SYNPR: variants seen among roughly 807,000 people sequenced by gnomAD.
SYNPR encodes synaptoporin.
Under a neutral mutation model 32.9 loss-of-function variants are expected in SYNPR, and 23 were observed. The ratio of observed to expected loss-of-function variants is 0.70; its 90% confidence interval spans 0.50 to 0.99. The LOEUF is 0.99. Ranked by LOEUF, SYNPR falls within the 50% of genes least tolerant of loss-of-function variation. SYNPR has a pLI of 0.00. For missense variants in SYNPR, 318 were observed against 349.3 expected (o/e 0.91, Z 0.71); for synonymous variants, 146 against 135.9 (o/e 1.07, Z -0.52).
chr3:63,557,188 G>T (rs1435908109), intron 4 of SYNPR, among the ~76,000 whole-genome samples: 3 of 151,966 alleles, frequency 2.0e-5, no homozygotes, highest in Non-Finnish European at 2.9e-5. Context: ...CTCGTACAAT[G>T]GTCCAAGGAC....
At chr3:63,562,483 C>A (rs1357264816) in intron 4 of SYNPR, among the ~76,000 whole-genome samples, 1 of 152,134 alleles carries the variant, frequency 6.6e-6, no homozygotes, top group Middle Eastern at 3.2e-3. Context: ...AACTCTCCTC[C>A]CATAAAGGAG....
intron 2 of SYNPR, among the ~76,000 whole-genome samples, chr3:63,446,338 C>G (rs1700276130): frequency 6.7e-6 from 1 of 150,222 alleles, no homozygotes; most frequent in African/African-American, 2.5e-5. Context: ...TGAGGTAGCA[C>G]TTCAGGTTGA....
chr3:63,348,128 T>C (rs928276630), intron 2 of SYNPR, among the ~76,000 whole-genome samples: 7 of 152,188 alleles, frequency 4.6e-5, no homozygotes, highest in African/African-American at 1.7e-4. Context: ...ATAGAGGTTG[T>C]ACTAATTTAC....
At chr3:63,481,441 A>ATG (rs1483940508) in intron 3 of SYNPR, among the ~76,000 whole-genome samples, 69 of 136,582 alleles carry the variant, frequency 5.1e-4, no homozygotes, top group East Asian at 2.9e-3. Flanking sequence ...AAGTGTATAT[A>ATG]TATATATATA....
intron 2 of SYNPR, among the ~76,000 whole-genome samples, chr3:63,418,627 A>G (rs547751649): frequency 1.3e-3 from 191 of 152,362 alleles, no homozygotes; most frequent in Non-Finnish European, 2.4e-3. Context: ...CCGCACAACT[A>G]TGGTGGAAAA....
intron 3 of SYNPR, among the ~76,000 whole-genome samples, chr3:63,499,247 G>A (rs7642916): frequency 0.28 from 43,079 of 152,064 alleles, 7,064 homozygotes; most frequent in African/African-American, 0.45. Context: ...GGCAAAGAAG[G>A]AATGAAGTTT....
At chr3:63,288,509 C>G (rs2086707255) in intron 2 of SYNPR, among the ~76,000 whole-genome samples, 1 of 152,082 alleles carries the variant, frequency 6.6e-6, no homozygotes, top group Non-Finnish European at 1.5e-5. Flanking sequence ...TAATATTATC[C>G]AAAGAGGTAC....
At chr3:63,601,262 A>G (rs904671242) in intron 4 of SYNPR, among the ~76,000 whole-genome samples, 9 of 149,662 alleles carry the variant, frequency 6.0e-5, no homozygotes, top group African/African-American at 2.2e-4. Context: ...AACAAGAGCA[A>G]AACGCCATCT....
At chr3:63,428,634 A>G (rs377119503) in intron 2 of SYNPR, among the ~76,000 whole-genome samples, 42 of 152,236 alleles carry the variant, frequency 2.8e-4, no homozygotes, top group African/African-American at 1.0e-3. Flanking sequence ...CATTTGGGTC[A>G]GCCAGATACT....
At chr3:63,301,647 A>C (rs1169339062) in intron 2 of SYNPR, among the ~76,000 whole-genome samples, 1 of 151,894 alleles carries the variant, frequency 6.6e-6, no homozygotes, top group Non-Finnish European at 1.5e-5. Flanking sequence ...GACATATTAT[A>C]ATTTGTACAG....
At chr3:63,310,639 G>T (rs1185929656) in intron 2 of SYNPR, among the ~76,000 whole-genome samples, 2 of 151,934 alleles carry the variant, frequency 1.3e-5, no homozygotes, top group Non-Finnish European at 2.9e-5. Flanking sequence ...TTGCTCCAAG[G>T]CCTCAGAAAA....
At chr3:63,377,962 A>T (rs2087916343) in intron 2 of SYNPR, among the ~76,000 whole-genome samples, 1 of 152,006 alleles carries the variant, frequency 6.6e-6, no homozygotes, top group Admixed American at 6.6e-5. Flanking sequence ...AAAAATTCAG[A>T]TTATGAATTT....
chr3:63,463,517 C>T (rs1700624289), intron 2 of SYNPR, among the ~76,000 whole-genome samples: 2 of 152,120 alleles, frequency 1.3e-5, no homozygotes, highest in African/African-American at 4.8e-5. Context: ...ATCCATAGTC[C>T]ATCACCAGTT....
At chr3:63,451,789 T>C (rs1700384460) in intron 2 of SYNPR, among the ~76,000 whole-genome samples, 1 of 152,180 alleles carries the variant, frequency 6.6e-6, no homozygotes, top group African/African-American at 2.4e-5. Context: ...GCCCCCACTA[T>C]AGGATATTCA....
At chr3:63,560,804 G>T (rs528011321) in intron 4 of SYNPR, among the ~76,000 whole-genome samples, 7 of 152,158 alleles carry the variant, frequency 4.6e-5, no homozygotes, top group Non-Finnish European at 1.0e-4. Context: ...GAACAGCAGG[G>T]GGGGAACCAC....
chr3:63,231,393 G>A (rs1206997004), intron 1 of SYNPR, among the ~76,000 whole-genome samples: 1 of 152,072 alleles, frequency 6.6e-6, no homozygotes, highest in African/African-American at 2.4e-5. Flanking sequence ...CTGCTCAGGT[G>A]ATGGGTGCAC....
intron 2 of SYNPR, among the ~76,000 whole-genome samples, chr3:63,408,269 GAAAGAAAGAGGAAGGAAGGAAGGAAGGA>G (rs1560221070): frequency 6.2e-5 from 7 of 112,084 alleles, no homozygotes; most frequent in Admixed American, 9.2e-5. Context: ...AAGAAAGAAA[GAAAGAAAGAGGAAGGAAGGAAGGAAGGA>G]AGGAAGGAAG....
At chr3:63,417,906 T>G (rs1371301626) in intron 2 of SYNPR, among the ~76,000 whole-genome samples, 1 of 152,226 alleles carries the variant, frequency 6.6e-6, no homozygotes, top group African/African-American at 2.4e-5. Context: ...TGGGAGGGGC[T>G]GCTGTGAAGC....
intron 2 of SYNPR, among the ~76,000 whole-genome samples, chr3:63,282,489 C>G (rs2086639195): frequency 6.6e-6 from 1 of 151,824 alleles, no homozygotes; most frequent in Admixed American, 6.6e-5. Context: ...GTACTATGAT[C>G]AAATAAAAAT....
Sources: gnomAD v4.1 joint callset for allele counts (sites outside exome capture counted in the v4.1 genomes callset) on GRCh38, gnomAD v4.1.1 for gene constraint, MANE v1.5 for transcripts, NCBI Gene and HGNC (gene_info 2026-07-23, HGNC 2026-07-21) for gene names.